The following CFAP54 variants were observed in gnomAD, a reference collection of about 807,000 sequenced individuals.
CFAP54 encodes cilia- and flagella-associated protein 54.
Under a neutral mutation model 370.4 loss-of-function variants are expected in CFAP54, and 290 were observed. That is an observed-to-expected ratio of 0.78 (90% confidence interval 0.71 to 0.86). CFAP54 has a LOEUF of 0.86. Ranked by LOEUF, CFAP54 falls within the 40% of genes least tolerant of loss-of-function variation. The pLI, the probability that CFAP54 is intolerant of heterozygous loss-of-function variation, is 0.00. For synonymous variants in CFAP54, 1,206 were observed against 1,236.5 expected, an observed-to-expected ratio of 0.98 and a Z score of 0.52; for missense variants, 3,399 against 3,528.7, an observed-to-expected ratio of 0.96 and a Z score of 0.93.
At chr12:96,845,075 C>T (rs187115971) in intron 66 of CFAP54, among the ~76,000 whole-genome samples, 245 of 152,310 alleles carry the variant, frequency 1.6e-3, no homozygotes, top group African/African-American at 4.7e-3. Flanking sequence ...CTAATTTTTA[C>T]TCCTCTTTAA....
chr12:96,804,738 AC>A (rs539558523), intron 63 of CFAP54, among the ~76,000 whole-genome samples: 58 of 152,272 alleles, frequency 3.8e-4, no homozygotes, highest in Non-Finnish European at 4.6e-4. Context: ...TTAGAAAAAA[AC>A]AATCCTAAAA....
chr12:96,825,032 A>C, intron 65 of CFAP54, among the ~76,000 whole-genome samples: 1 of 147,540 alleles, frequency 6.8e-6, no homozygotes. Context: ...CTTATGTGTG[A>C]CTCCCCCCAC....
chr12:96,816,675 A>G (rs1469861799), intron 64 of CFAP54, among the ~76,000 whole-genome samples: 1 of 152,114 alleles, frequency 6.6e-6, no homozygotes, highest in Non-Finnish European at 1.5e-5. Flanking sequence ...TTGCATAAAA[A>G]TTTTCTTCCT....
At chr12:96,608,648 G>C (rs911103446) in intron 26 of CFAP54, among the ~76,000 whole-genome samples, 1 of 151,880 alleles carries the variant, frequency 6.6e-6, no homozygotes, top group Non-Finnish European at 1.5e-5. Context: ...TTTTAGTAGA[G>C]ACTGGGTTTC....
intron 50 of CFAP54, 42 bp from the exon 51 acceptor site, chr12:96,739,914 A>G: frequency 8.4e-7 from 1 of 1,187,142 alleles, no homozygotes; most frequent in South Asian, 1.4e-5. Flanking sequence ...AGATGCCACA[A>G]ATATAATACT....
chr12:96,872,838 T>C (rs1208405544), intron 67 of CFAP54, among the ~76,000 whole-genome samples: 1 of 152,144 alleles, frequency 6.6e-6, no homozygotes, highest in Non-Finnish European at 1.5e-5. Flanking sequence ...AGAACTGAGA[T>C]TGACTTTCAG....
chr12:96,588,160 A>G (rs570104884), intron 22 of CFAP54, among the ~76,000 whole-genome samples: 68 of 151,220 alleles, frequency 4.5e-4, no homozygotes, highest in African/African-American at 1.5e-3. Context: ...TTTTTTTTTC[A>G]TCTCAGACCT....
intron 22 of CFAP54, among the ~76,000 whole-genome samples, chr12:96,585,638 C>A (rs1007354211): frequency 6.6e-6 from 1 of 152,128 alleles, no homozygotes; most frequent in African/African-American, 2.4e-5. Context: ...TGTTTTTAAA[C>A]CTCACCCTTC....
intron 41 of CFAP54, 43 bp from the exon 42 acceptor site, chr12:96,684,986 G>T (rs1184601851): frequency 6.4e-7 from 1 of 1,574,776 alleles, no homozygotes; most frequent in Non-Finnish European, 8.7e-7. Context: ...TTTAATAATG[G>T]GTCTCAGAAA....
At chr12:96,828,842 A>G (rs1218432491) in intron 65 of CFAP54, among the ~76,000 whole-genome samples, 172 bp from the exon 66 acceptor site, 1 of 152,202 alleles carries the variant, frequency 6.6e-6, no homozygotes, top group Admixed American at 6.5e-5. Context: ...ATACAATTCA[A>G]AAAAGCCTAA....
chr12:96,610,819 A>T (rs815879), intron 26 of CFAP54, among the ~76,000 whole-genome samples: 1 of 152,174 alleles, frequency 6.6e-6, no homozygotes, highest in Non-Finnish European at 1.5e-5. Flanking sequence ...CCGAGCTGCA[A>T]GGTGGCAGCA....
chr12:96,572,035 A>C (rs1165758486), intron 19 of CFAP54, among the ~76,000 whole-genome samples: 2 of 152,188 alleles, frequency 1.3e-5, no homozygotes, highest in African/African-American at 4.8e-5. Flanking sequence ...CTAAAGTTAA[A>C]ATTGATCAAG....
At chr12:96,680,375 A>G (rs1024709846) in intron 40 of CFAP54, among the ~76,000 whole-genome samples, 6 of 152,178 alleles carry the variant, frequency 3.9e-5, no homozygotes. Flanking sequence ...ATTCAAATTT[A>G]GGCTGGAAAA....
chr12:96,842,406 C>T (rs1959228210), intron 66 of CFAP54, among the ~76,000 whole-genome samples: 3 of 152,064 alleles, frequency 2.0e-5, no homozygotes, highest in African/African-American at 2.4e-5. Context: ...AGCAAGGATC[C>T]CCTCTGTTGT....
intron 42 of CFAP54, among the ~76,000 whole-genome samples, chr12:96,687,474 G>A (rs1356093285): frequency 6.6e-6 from 1 of 152,134 alleles, no homozygotes; most frequent in Non-Finnish European, 1.5e-5. Context: ...TAGAGGTATA[G>A]GTTTCCTTCA....
chr12:96,818,551 T>C (rs1410189778), intron 65 of CFAP54, among the ~76,000 whole-genome samples: 1 of 152,206 alleles, frequency 6.6e-6, no homozygotes, highest in African/African-American at 2.4e-5. Context: ...TGGCTTTAGA[T>C]CTGTGGCCAA....
chr12:96,598,427 G>A (rs1302580715), intron 25 of CFAP54, among the ~76,000 whole-genome samples: 2 of 151,818 alleles, frequency 1.3e-5, no homozygotes, highest in African/African-American at 4.8e-5. Flanking sequence ...TCTTTCCACT[G>A]ATTTTCAAGT....
At chr12:96,538,291 T>C in intron 12 of CFAP54, 93 bp from the exon 13 acceptor site, 3 of 1,090,256 alleles carry the variant, frequency 2.8e-6, no homozygotes, top group Non-Finnish European at 3.9e-6. Context: ...TTAGTATTTG[T>C]AAAGCTCTTA....
In CFAP54 at chr12:96,521,961, C is replaced by T. The variant is rs944200199; in HGVS notation, c.1047C>T (p.Ala349=). Residue 349 remains alanine (A), a synonymous_variant, in exon 7 of 68, where the codon GCC becomes GCT. Coordinates refer to ENST00000524981, the MANE Select transcript of CFAP54 (RefSeq NM_001306084.2). ...QEESRRYFRE[A]TMKMAVMIFK... ...AATCGCGAAGATATTTTCGAGAGGC[C>T]ACAATGAAGGTATAAAAATTTCATG... is the stretch of plus-strand genomic sequence containing the variant. The T allele has an allele frequency of 6.5e-7, 1 of 1,533,164 alleles. No homozygotes were observed. Among genetic ancestry groups the T allele is most frequent in the East Asian group, 2.4e-5 (1 of 40,832 alleles). 95.0% of individuals were successfully genotyped at this position (1,533,164 alleles called of 1,614,324 possible). A position where few individuals can be genotyped will look rare whatever the true frequency, so the allele number is the denominator to read the frequency against.
Sources: gnomAD v4.1 joint callset for allele counts (sites outside exome capture counted in the v4.1 genomes callset) on GRCh38, gnomAD v4.1.1 for gene constraint, MANE v1.5 for transcripts, NCBI Gene and HGNC (gene_info 2026-07-23, HGNC 2026-07-21) for gene names.